Variants in AFF2 observed in about 807,000 individuals in gnomAD.
AFF2 encodes AF4/FMR2 family member 2.
AFF2 carries 14 observed loss-of-function variants against 76.9 expected under a neutral mutation model. The observed-to-expected ratio is 0.18, with a 90% CI of 0.12 to 0.28. The LOEUF (loss-of-function observed/expected upper bound fraction) is 0.28. Among genes scored for constraint, AFF2 ranks in the 10% least tolerant of loss-of-function variants. AFF2 has a pLI of 1.00. For missense variants in AFF2, 868 were observed against 1,001.1 expected (o/e 0.87, Z 1.79); for synonymous variants, 398 against 366.7 (o/e 1.09, Z -0.98).
chrX:148,927,067 C>G (rs1445901119), intron 9 of AFF2, among the ~76,000 whole-genome samples: 3 of 112,020 alleles, frequency 2.7e-5, no homozygotes, highest in African/African-American at 9.7e-5. Context: ...CCTTTTGGTG[C>G]CACTCTGAGT....
intron 1 of AFF2, among the ~76,000 whole-genome samples, chrX:148,620,623 C>T (rs886920283): frequency 2.1e-4 from 23 of 110,228 alleles, no homozygotes; most frequent in African/African-American, 6.3e-4. Context: ...ACCTGGATTC[C>T]AGGCTCTCTA....
At chrX:148,977,165 G>C (rs1441486995) in intron 16 of AFF2, among the ~76,000 whole-genome samples, 1 of 111,962 alleles carries the variant, frequency 8.9e-6, no homozygotes, top group Non-Finnish European at 1.9e-5. Flanking sequence ...TTAAAGCTCA[G>C]ACAATGATTT....
At chrX:148,548,833 T>C (rs1171627932) in intron 1 of AFF2, among the ~76,000 whole-genome samples, 1 of 112,487 alleles carries the variant, frequency 8.9e-6, no homozygotes, top group African/African-American at 3.2e-5. Flanking sequence ...TTCTGAACAA[T>C]TGGCTCATGA....
At chrX:148,711,823 C>T (rs781885620) in intron 3 of AFF2, among the ~76,000 whole-genome samples, 1 of 112,454 alleles carries the variant, frequency 8.9e-6, no homozygotes, top group African/African-American at 3.2e-5. Flanking sequence ...ATGTGCTAGG[C>T]CCATCCTGTG....
intron 3 of AFF2, among the ~76,000 whole-genome samples, chrX:148,701,006 GAGAGAA>G (rs1162063491): frequency 3.3e-5 from 3 of 90,146 alleles, no homozygotes; most frequent in South Asian, 6.1e-4. Context: ...GAGAGAGAGA[GAGAGAA>G]TGTGTGTGTG....
At chrX:148,602,107 G>A (rs191247417) in intron 1 of AFF2, among the ~76,000 whole-genome samples, 1 of 111,865 alleles carries the variant, frequency 8.9e-6, no homozygotes, top group Admixed American at 9.5e-5. Flanking sequence ...TTTCAGAGGA[G>A]GTGCCATTTA....
At chrX:148,590,801 A>G in intron 1 of AFF2, among the ~76,000 whole-genome samples, 1 of 112,221 alleles carries the variant, frequency 8.9e-6, no homozygotes, top group East Asian at 2.8e-4. Context: ...AGTAAAATGA[A>G]TATTTTTCAT....
chrX:148,992,355 T>C lies in AFF2; in HGVS notation c.*1023T>C, dbSNP rs1212554801. 1 of 112,400 alleles carries C rather than the reference T, an allele frequency of 8.9e-6. No individual in the cohort carries two copies. Among genetic ancestry groups the C allele is most frequent in the Non-Finnish European group, 1.9e-5 (1 of 53,283 alleles). The allele number at this position is 112,400 out of a possible 1,213,427, so 9.3% of individuals were successfully genotyped here. A position where few individuals can be genotyped will look rare whatever the true frequency, so the allele number is the denominator to read the frequency against. ...GAACAAAAGTCAAGGTATCACTACC[T>C]AGAAGTAATGATATACAGTTTTCTT... On this transcript the variant is annotated 3_prime_UTR_variant, in exon 21 of 21. Transcript: ENST00000370460.
Position 148,662,417 on chromosome X carries a change from C to T in AFF2, c.690C>T (p.Phe230=), listed in dbSNP as rs1557257904. 1 of 1,211,966 alleles carries T rather than the reference C, an allele frequency of 8.3e-7. No individual in the cohort carries two copies. Among genetic ancestry groups the T allele is most frequent in the African/African-American group, 1.7e-5 (1 of 57,859 alleles). The part of the protein sequence containing the change: ...SNPNSSGEDA[F]KEIFQSNSPE... ...CTAATTCTAGTGGAGAAGATGCTTT[C>T]AAAGAAATCTTTCAATCCAATTCAC... Residue 230 remains phenylalanine, a synonymous_variant, in exon 3 of 21, where the codon TTC becomes TTT. Transcript: ENST00000370460.
chrX:148,857,774 A>G (rs1464471525), intron 7 of AFF2, among the ~76,000 whole-genome samples: 2 of 111,209 alleles, frequency 1.8e-5, no homozygotes, highest in Admixed American at 1.9e-4. Flanking sequence ...CAAAACTCCT[A>G]GAAACCTGTT....
intron 7 of AFF2, among the ~76,000 whole-genome samples, chrX:148,845,413 A>G (rs1399959064): frequency 8.9e-6 from 1 of 111,809 alleles, no homozygotes; most frequent in Admixed American, 9.5e-5. Flanking sequence ...TAGTGTAGCC[A>G]ATACAACTAA....
chrX:148,825,009 C>G (rs1487668757), intron 4 of AFF2, among the ~76,000 whole-genome samples: 1 of 111,357 alleles, frequency 9.0e-6, no homozygotes, highest in Non-Finnish European at 1.9e-5. Flanking sequence ...TTGCACACTA[C>G]TCACTCTGAG....
At chrX:148,702,403 G>A (rs2054811284) in intron 3 of AFF2, among the ~76,000 whole-genome samples, 1 of 111,646 alleles carries the variant, frequency 9.0e-6, no homozygotes, top group Non-Finnish European at 1.9e-5. Context: ...TTGGTGAGGA[G>A]GAAAAGAAAA....
rs1569552187 is a variant in AFF2, at chrX:148,614,793, CCTT to C, written c.48-37205_48-37203del. On this transcript the variant is annotated intron_variant, in intron 1 of 20. Coordinates refer to ENST00000370460, the MANE Select transcript of AFF2 (RefSeq NM_002025.4). ...TTCTTTCTTTCTTTCTTTCTTTCTT[CCTT>C]TCTCTCTCTCTCTCTCTCGCTCTCT... Among the ~76,000 whole-genome samples, 82 of 41,098 alleles carry C rather than the reference CCTT, an allele frequency of 2.0e-3. 1 individual carries two copies. The highest frequency in any genetic ancestry group is 9.1e-3 in the African/African-American group (79 of 8,721). 35.7% of individuals were successfully genotyped at this position (41,098 alleles called of 115,157 possible).
chrX:148,623,717 A>G (rs2053894199), intron 1 of AFF2, among the ~76,000 whole-genome samples: 1 of 110,403 alleles, frequency 9.1e-6, no homozygotes, highest in African/African-American at 3.3e-5. Context: ...AAATAAACAG[A>G]TAATCTGTTT....
At chrX:148,780,054 T>G (rs1226485579) in intron 3 of AFF2, among the ~76,000 whole-genome samples, 1 of 112,265 alleles carries the variant, frequency 8.9e-6, no homozygotes, top group Non-Finnish European at 1.9e-5. Flanking sequence ...TCCTTTTCTT[T>G]AAGAATGTTG....
At chrX:148,954,773 TG>T (rs1332913909) in intron 10 of AFF2, among the ~76,000 whole-genome samples, 2 of 111,806 alleles carry the variant, frequency 1.8e-5, no homozygotes, top group Admixed American at 1.9e-4. Context: ...CCTCAACCCT[TG>T]CCTGCCATTG....
At chrX:148,700,586 C>A (rs2054778297) in intron 3 of AFF2, among the ~76,000 whole-genome samples, 1 of 110,471 alleles carries the variant, frequency 9.1e-6, no homozygotes, top group East Asian at 2.9e-4. Flanking sequence ...CCAATAAGCT[C>A]TTCTGTCCTT....
intron 1 of AFF2, among the ~76,000 whole-genome samples, chrX:148,633,434 T>C (rs782484244): frequency 8.9e-6 from 1 of 112,440 alleles, no homozygotes; most frequent in South Asian, 3.7e-4. Context: ...CAATTGTGGA[T>C]GTGCATATGC....
Sources: gnomAD v4.1 joint callset for allele counts (sites outside exome capture counted in the v4.1 genomes callset) on GRCh38, gnomAD v4.1.1 for gene constraint, MANE v1.5 for transcripts, NCBI Gene and HGNC (gene_info 2026-07-23, HGNC 2026-07-21) for gene names.